The following ECT2L variants were observed in gnomAD, a reference collection of about 807,000 sequenced individuals.
ECT2L encodes the protein epithelial cell transforming 2 like.
ECT2L carries 126 observed loss-of-function variants against 122.8 expected under a neutral mutation model. The ratio of observed to expected loss-of-function variants is 1.03; its 90% confidence interval spans 0.89 to 1.19. The LOEUF is 1.19. ECT2L is among the 50% of genes most tolerant of loss of function. The probability of loss-of-function intolerance (pLI) is 0.00; values close to 1 mark genes in which losing one functional copy is unlikely to be tolerated. For missense variants in ECT2L, 1,012 were observed against 1,064.1 expected (o/e 0.95, Z 0.68); for synonymous variants, 385 against 381.8 (o/e 1.01, Z -0.10).
rs544397434 is a variant in ECT2L, at chr6:138,863,080, G to A, written c.1291+361G>A. Among the ~76,000 whole-genome samples the A allele has an allele frequency of 3.9e-5, 6 of 152,234 alleles. No individual in the cohort carries two copies. The East Asian group carries it at 1.2e-3, about 29-fold the overall frequency. ...ATGGTTTTATTTGGAAAAATAAATC[G>A]TAGCTACAAAGAGATGGCAAAGAGG... On this transcript the variant is annotated intron_variant, in intron 11 of 21. Transcript: ENST00000541398.
chr6:138,840,065 A>G (rs373761654), intron 5 of ECT2L, among the ~76,000 whole-genome samples: 1 of 152,224 alleles, frequency 6.6e-6, no homozygotes, highest in African/African-American at 2.4e-5. Flanking sequence ...TGTACTATAT[A>G]CTGTATTCTT....
At chr6:138,847,261 TCAAAA>T (rs201708049) in intron 8 of ECT2L, among the ~76,000 whole-genome samples, 3,866 of 145,752 alleles carry the variant, frequency 0.027, 150 homozygotes, top group African/African-American at 0.092. Flanking sequence ...AGACACTGTC[TCAAAA>T]CAAAACAAAA....
chr6:138,881,095 T>A lies in ECT2L; in HGVS notation c.1804T>A (p.Ser602Thr). Residue 602 changes from serine to threonine, a missense_variant, in exon 15 of 22, where the codon TCA becomes ACA. By Grantham distance (58) the Ser-to-Thr change is moderately conservative. Coordinates refer to ENST00000541398, the MANE Select transcript of ECT2L (RefSeq NM_001077706.3). The part of the protein sequence containing the change: ...YVAPLKAALS[S>T]NRAILSAANI... ...CGCACCACTGAAAGCAGCATTGTCA[T>A]CAAACAGAGCGATTCTGAGTGCTGC... is the stretch of plus-strand genomic sequence containing the variant. 6.2e-7 allele frequency: 1 copy of A among 1,614,228 alleles called. No homozygotes were observed. Among genetic ancestry groups the A allele is most frequent in the South Asian group, 1.1e-5 (1 of 91,084 alleles).
At chr6:138,902,439 T>G (rs973293461) in intron 21 of ECT2L, 61 bp from the exon 22 acceptor site, 1 of 1,501,582 alleles carries the variant, frequency 6.7e-7, no homozygotes, top group South Asian at 1.2e-5. Flanking sequence ...GTATTAACAT[T>G]TTTTCTCATT....
intron 4 of ECT2L, among the ~76,000 whole-genome samples, chr6:138,835,234 A>C (rs1776790293): frequency 6.6e-6 from 1 of 152,196 alleles, no homozygotes; most frequent in Non-Finnish European, 1.5e-5. Context: ...TTTCACCTGG[A>C]CTTCCTCATT....
Position 138,885,562 on chromosome 6 carries a change from T to C in ECT2L, c.2085T>C (p.Ile695=). The change falls in exon 17 of 22, where the codon ATT becomes ATC. Residue 695 remains isoleucine (I), a synonymous_variant. Coordinates refer to ENST00000541398, the MANE Select transcript of ECT2L (RefSeq NM_001077706.3). ...TCCTGAAGAGGCATGATAAGACCAT[T>C]GTTACCAAAATGCTGAGGTACGTTC... ...RTFLKRHDKT[I]VTKMLSLPEL... 6.2e-7 allele frequency: 1 copy of C among 1,614,196 alleles called. No homozygotes were observed. Among genetic ancestry groups the C allele is most frequent in the South Asian group, 1.1e-5 (1 of 91,074 alleles).
Position 138,867,029 on chromosome 6 carries a change from G to A in ECT2L, c.1475-1074G>A, listed in dbSNP as rs189349810. ...GCAGAGGTTTCAGTGAGCTGAGATC[G>A]CGTCACTGCACTCCAGCCTGGGCAA... On this transcript the variant is annotated intron_variant, in intron 12 of 21. Transcript: ENST00000541398. 4.6e-4 allele frequency among the ~76,000 whole-genome samples: 70 copies of A among 152,032 alleles called. No homozygotes were observed. In the East Asian group the frequency reaches 0.013, roughly 27 times the overall value.
intron 1 of ECT2L, among the ~76,000 whole-genome samples, chr6:138,803,091 A>T (rs1450809589): frequency 2.7e-5 from 4 of 148,036 alleles, no homozygotes; most frequent in Admixed American, 2.0e-4. Flanking sequence ...AAAAAAAAAT[A>T]ATAATGATAA....
At chr6:138,821,636 A>G (rs1461766675) in intron 4 of ECT2L, among the ~76,000 whole-genome samples, 2 of 152,256 alleles carry the variant, frequency 1.3e-5, no homozygotes, top group African/African-American at 4.8e-5. Flanking sequence ...ACATAAGGGT[A>G]AGTAAATGAA....
At chr6:138,861,900 T>G (rs934779205) in intron 10 of ECT2L, among the ~76,000 whole-genome samples, 9 of 152,160 alleles carry the variant, frequency 5.9e-5, no homozygotes, top group African/African-American at 2.2e-4. Flanking sequence ...GTCAGACTAT[T>G]TTAGAAAAAA....
Position 138,902,699 on chromosome 6 carries a change from A to C in ECT2L, c.*72A>C. 1 of 1,551,758 alleles carries C rather than the reference A, an allele frequency of 6.4e-7. No individual in the cohort carries two copies. Among genetic ancestry groups the C allele is most frequent in the Non-Finnish European group, 8.8e-7 (1 of 1,131,862 alleles). Reference sequence around the variant, plus strand: ...CAGACAACATGTATTTTCTGTTCCAAAATATCCAGTAAGAAACAGAATAAC... The same window carrying C: ...CAGACAACATGTATTTTCTGTTCCACAATATCCAGTAAGAAACAGAATAAC... On this transcript the variant is annotated 3_prime_UTR_variant, in exon 22 of 22. Transcript: ENST00000541398.
At chr6:138,861,416 A>T (rs1205566376) in intron 10 of ECT2L, among the ~76,000 whole-genome samples, 1 of 152,110 alleles carries the variant, frequency 6.6e-6, no homozygotes, top group East Asian at 1.9e-4. Flanking sequence ...TTAATAAATC[A>T]CCATTCTAAC....
intron 4 of ECT2L, among the ~76,000 whole-genome samples, chr6:138,829,107 C>T (rs1776562092): frequency 6.6e-6 from 1 of 151,938 alleles, no homozygotes; most frequent in Admixed American, 6.6e-5. Flanking sequence ...ATCCTCCCAC[C>T]TTGGCCTACC....
At chr6:138,816,996 C>T (rs768325493) in intron 4 of ECT2L, among the ~76,000 whole-genome samples, 10 of 152,162 alleles carry the variant, frequency 6.6e-5, no homozygotes, top group Non-Finnish European at 1.3e-4. Context: ...AATCTGCTTT[C>T]TGTCTCTATA....
chr6:138,857,263 G>A (rs9385842), intron 10 of ECT2L, among the ~76,000 whole-genome samples: 45,654 of 151,992 alleles, frequency 0.3, 7,294 homozygotes, highest in Admixed American at 0.38. Flanking sequence ...CACTTTTTAA[G>A]TTGACAAGAC....
At chr6:138,807,176 G>A (rs1775741769) in intron 1 of ECT2L, among the ~76,000 whole-genome samples, 1 of 151,156 alleles carries the variant, frequency 6.6e-6, no homozygotes, top group Non-Finnish European at 1.5e-5. Context: ...GTTTTGCCAT[G>A]TTGTCCAAGC....
In ECT2L at chr6:138,877,343, C is replaced by A. The variant is rs1240618492; in HGVS notation, c.1665+785C>A. On this transcript the variant is annotated intron_variant, in intron 14 of 21. Transcript: ENST00000541398. ...TGCCCCAAACCCATCCCTAGGAACA[C>A]CCAGGAGGAGCATGTTCCATAGAGC... Among the ~76,000 whole-genome samples, 4 of 152,074 alleles carry A rather than the reference C, an allele frequency of 2.6e-5. No homozygotes were observed. In the South Asian group the frequency reaches 6.2e-4, roughly 24 times the overall value.
intron 1 of ECT2L, among the ~76,000 whole-genome samples, chr6:138,809,212 T>G (rs1255619079): frequency 6.6e-6 from 1 of 152,246 alleles, no homozygotes; most frequent in Non-Finnish European, 1.5e-5. Context: ...GGAAATTCCC[T>G]TCTAGTCCTG....
At position 138,903,624 on chromosome 6, in the gene ECT2L, C is replaced by T. The variant is rs1465536331; in HGVS notation, c.*997C>T. On this transcript the variant is annotated 3_prime_UTR_variant, in exon 22 of 22. Transcript: ENST00000541398. ...TTTAAAAAACAAAACTAAATGGAAACAGCAAAACTTGCTTGTAATGAAATA... is the reference window on the plus strand; with the variant it reads ...TTTAAAAAACAAAACTAAATGGAAATAGCAAAACTTGCTTGTAATGAAATA... 1 of 152,110 alleles carries T rather than the reference C, an allele frequency of 6.6e-6. No individual in the cohort carries two copies. Among genetic ancestry groups the T allele is most frequent in the East Asian group, 1.9e-4 (1 of 5,198 alleles). The allele number at this position is 152,110 out of a possible 1,614,324, so 9.4% of individuals were successfully genotyped here. A position where few individuals can be genotyped will look rare whatever the true frequency, so the allele number is the denominator to read the frequency against.
Sources: allele counts gnomAD v4.1 joint callset (sites outside exome capture counted in the v4.1 genomes callset), GRCh38; gene constraint gnomAD v4.1.1; transcripts MANE v1.5; gene names NCBI Gene and HGNC (gene_info 2026-07-23, HGNC 2026-07-21).